Variants in CSNK1G1 observed in about 807,000 individuals in gnomAD.
The protein encoded by CSNK1G1 is casein kinase I isoform gamma-1.
A neutral mutation model predicts 59.6 loss-of-function variants in CSNK1G1; 22 were observed. That is an observed-to-expected ratio of 0.37 (90% CI 0.26 to 0.53). The LOEUF (loss-of-function observed/expected upper bound fraction) is 0.53. Ranked by LOEUF, CSNK1G1 falls within the 20% of genes least tolerant of loss-of-function variation. The pLI, the probability that CSNK1G1 is intolerant of heterozygous loss-of-function variation, is 0.89. For missense variants in CSNK1G1, 384 were observed against 519.5 expected, an observed-to-expected ratio of 0.74 and a Z score of 2.54; for synonymous variants, 179 against 177.1, an observed-to-expected ratio of 1.01 and a Z score of -0.08.
chr15:64,328,799 C>A (rs1416605079), intron 1 of CSNK1G1, among the ~76,000 whole-genome samples: 1 of 16,038 alleles, frequency 6.2e-5, no homozygotes, highest in Non-Finnish European at 1.3e-4. Flanking sequence ...CAGAGACACA[C>A]ATAGGCTCAA....
rs147467739 is a variant in CSNK1G1, at chr15:64,256,065, G to A, written c.222+3136C>T. On this transcript the variant is annotated intron_variant, in intron 3 of 11. Transcript: ENST00000303052. Reference sequence around the variant, plus strand: ...TCATATCACTCTTATGTCTCCATCTGGTTGCAGATATTCCACTGAATCACT... The same window carrying A: ...TCATATCACTCTTATGTCTCCATCTAGTTGCAGATATTCCACTGAATCACT... Among the ~76,000 whole-genome samples the A allele has an allele frequency of 5.1e-3, 771 of 152,242 alleles. 9 individuals are homozygous for A. The highest frequency in any genetic ancestry group is 0.017 in the African/African-American group (715 of 41,532).
intron 10 of CSNK1G1, among the ~76,000 whole-genome samples, chr15:64,193,318 C>A (rs1316655092): frequency 1.3e-5 from 2 of 151,564 alleles, no homozygotes; most frequent in African/African-American, 4.8e-5. Context: ...GGTGAAACCC[C>A]GTCTCTACTA....
At chr15:64,248,900 C>A (rs1891914132) in intron 4 of CSNK1G1, among the ~76,000 whole-genome samples, 1 of 152,076 alleles carries the variant, frequency 6.6e-6, no homozygotes, top group African/African-American at 2.4e-5. Flanking sequence ...GCAGGCGGAT[C>A]ACGAGGTCAG....
chr15:64,199,778 G>A (rs898775000), intron 10 of CSNK1G1, among the ~76,000 whole-genome samples: 24 of 151,848 alleles, frequency 1.6e-4, no homozygotes, highest in African/African-American at 1.9e-4. Flanking sequence ...GCTCGAACCC[G>A]GGAGGTGGAG....
chr15:64,190,024 G>A (rs997147288), intron 10 of CSNK1G1, among the ~76,000 whole-genome samples: 1 of 152,100 alleles, frequency 6.6e-6, no homozygotes, highest in African/African-American at 2.4e-5. Flanking sequence ...GTTTCACCGT[G>A]TTAGCCAGGA....
intron 10 of CSNK1G1, among the ~76,000 whole-genome samples, chr15:64,190,453 T>G (rs1179345769): frequency 3.3e-5 from 5 of 152,218 alleles, no homozygotes; most frequent in Non-Finnish European, 7.3e-5. Flanking sequence ...TCACTCTTGT[T>G]GCCCAGGCTA....
At position 64,188,151 on chromosome 15, in the gene CSNK1G1, A is replaced by C. The variant is rs2081922903; in HGVS notation, c.1108-7697T>G. On this transcript the variant is annotated intron_variant, in intron 10 of 11. Transcript: ENST00000303052. This position sits in a 1 kb window ranked among gnomAD's most constrained non-coding sequence, Gnocchi z 4.2. ...GGTAGGACTAGGTTAACCAGAAATC[A>C]GTATCAGAAATCATATAGATGTTTC... Among the ~76,000 whole-genome samples the C allele has an allele frequency of 1.3e-5, 2 of 152,238 alleles. No individual in the cohort carries two copies. Among genetic ancestry groups the C allele is most frequent in the Admixed American group, 6.5e-5 (1 of 15,280 alleles).
chr15:64,220,004 C>A (rs2082365617), intron 4 of CSNK1G1, among the ~76,000 whole-genome samples: 1 of 152,016 alleles, frequency 6.6e-6, no homozygotes, highest in South Asian at 2.1e-4. Context: ...GATCTCCTGA[C>A]CTCGTGATCT....
At chr15:64,295,547 A>G (rs972897439) in intron 2 of CSNK1G1, among the ~76,000 whole-genome samples, 1 of 152,226 alleles carries the variant, frequency 6.6e-6, no homozygotes, top group Non-Finnish European at 1.5e-5. Flanking sequence ...GACCTGGACA[A>G]TTCAGCCTTT....
intron 1 of CSNK1G1, among the ~76,000 whole-genome samples, chr15:64,337,660 A>G (rs760293479): frequency 1.3e-5 from 2 of 152,148 alleles, no homozygotes; most frequent in Non-Finnish European, 2.9e-5. Context: ...AATATATATA[A>G]TATTTATAAT....
intron 1 of CSNK1G1, among the ~76,000 whole-genome samples, chr15:64,327,113 G>A (rs953291460): frequency 6.6e-5 from 10 of 152,128 alleles, no homozygotes; most frequent in Admixed American, 6.5e-4. Flanking sequence ...GCCCGCCATT[G>A]CCCAGGCTTG....
At chr15:64,181,061 T>C in intron 10 of CSNK1G1, 1 of 1,167,626 alleles carries the variant, frequency 8.6e-7, no homozygotes, top group South Asian at 1.7e-5. Flanking sequence ...AATCACACTT[T>C]CCTTCAGAAA....
chr15:64,281,999 G>A (rs986116464), intron 2 of CSNK1G1, among the ~76,000 whole-genome samples: 2 of 151,156 alleles, frequency 1.3e-5, no homozygotes, highest in Middle Eastern at 3.4e-3. Flanking sequence ...TAGGCTCAGC[G>A]CAGCCTCAAC....
chr15:64,173,523 A>G (rs2081700790), intron 11 of CSNK1G1, among the ~76,000 whole-genome samples: 1 of 152,186 alleles, frequency 6.6e-6, no homozygotes, highest in Admixed American at 6.5e-5. Flanking sequence ...AAAAGTGACC[A>G]ACATTTTTGA....
At chr15:64,255,042 A>G (rs1391740862) in intron 3 of CSNK1G1, among the ~76,000 whole-genome samples, 1 of 152,112 alleles carries the variant, frequency 6.6e-6, no homozygotes, top group Non-Finnish European at 1.5e-5. Context: ...TGTTGAAAAG[A>G]CTGTCCTTTC....
intron 7 of CSNK1G1, 53 bp from the exon 8 acceptor site, chr15:64,205,002 G>T: frequency 9.9e-7 from 1 of 1,005,638 alleles, no homozygotes; most frequent in Non-Finnish European, 1.5e-6. Flanking sequence ...AAACATGGGA[G>T]ATTCAATATG....
intron 2 of CSNK1G1, among the ~76,000 whole-genome samples, chr15:64,281,329 G>T (rs931033753): frequency 6.6e-6 from 1 of 152,170 alleles, no homozygotes. Flanking sequence ...TAGGGGCTGG[G>T]TGCAGCAGCT....
intron 4 of CSNK1G1, among the ~76,000 whole-genome samples, chr15:64,230,452 C>T (rs934645129): frequency 2.0e-5 from 3 of 151,974 alleles, no homozygotes; most frequent in East Asian, 3.9e-4. Flanking sequence ...ACGTGTGACA[C>T]CACGCCTGGC....
Position 64,188,756 on chromosome 15 carries a change from A to C in CSNK1G1, c.1108-8302T>G, listed in dbSNP as rs79755610. 0.042 allele frequency among the ~76,000 whole-genome samples: 6,369 copies of C among 150,950 alleles called. 153 individuals carry two copies. The highest frequency in any genetic ancestry group is 0.079 in the South Asian group (375 of 4,758). ...CCAAAAGAGGAGGGAGGGGGAAAAA[A>C]CACACAGTCAAAGCTGGGATCATCT... On this transcript the variant is annotated intron_variant, in intron 10 of 11. Coordinates refer to ENST00000303052, the MANE Select transcript of CSNK1G1 (RefSeq NM_022048.5). This position sits in a 1 kb window ranked among gnomAD's most constrained non-coding sequence, Gnocchi z 4.2.
Sources: allele counts gnomAD v4.1 joint callset (sites outside exome capture counted in the v4.1 genomes callset), GRCh38; gene constraint gnomAD v4.1.1; non-coding constraint Gnocchi (gnomAD v3.1); transcripts MANE v1.5; gene names NCBI Gene and HGNC (gene_info 2026-07-23, HGNC 2026-07-21).